SGCE: variants seen among roughly 807,000 people sequenced by gnomAD.
SGCE encodes the protein sarcoglycan epsilon, also known as epsilon-sarcoglycan.
Under a neutral mutation model 57.8 loss-of-function variants are expected in SGCE, and 26 were observed. The ratio of observed to expected loss-of-function variants is 0.45; its 90% CI spans 0.33 to 0.62. The LOEUF (loss-of-function observed/expected upper bound fraction) is 0.62. Among genes scored for constraint, SGCE ranks in the 20% least tolerant of loss-of-function variants. The pLI is 0.02. For missense variants in SGCE, 468 were observed against 548.6 expected (o/e 0.85, Z 1.47); for synonymous variants, 183 against 189.5 (o/e 0.97, Z 0.28).
chr7:94,618,447 A>G (rs1802266174), intron 5 of SGCE: 3 of 261,642 alleles, frequency 1.1e-5, no homozygotes, highest in Admixed American at 5.2e-5. Context: ...TGGGGCGTCA[A>G]TTTCCTTTGA....
intron 9 of SGCE, among the ~76,000 whole-genome samples, chr7:94,592,602 T>C (rs1033313557): frequency 6.6e-6 from 1 of 152,170 alleles, no homozygotes; most frequent in Non-Finnish European, 1.5e-5. Context: ...TGTAAATTAG[T>C]CATTGCACAA....
At chr7:94,610,981 C>T (rs966876569) in intron 5 of SGCE, among the ~76,000 whole-genome samples, 10 of 152,044 alleles carry the variant, frequency 6.6e-5, no homozygotes, top group Admixed American at 4.6e-4. Flanking sequence ...TGGCTATAAT[C>T]AAAAAGGCAG....
At chr7:94,634,929 G>A (rs537037290) in intron 1 of SGCE, among the ~76,000 whole-genome samples, 5 of 152,178 alleles carry the variant, frequency 3.3e-5, no homozygotes, top group Non-Finnish European at 4.4e-5. Context: ...TGGATTGAAT[G>A]CATTGTATAA....
chr7:94,638,146 A>C (rs1360958918), intron 1 of SGCE, among the ~76,000 whole-genome samples: 3 of 152,200 alleles, frequency 2.0e-5, no homozygotes, highest in African/African-American at 7.2e-5. Flanking sequence ...GTGTCCTGGA[A>C]CAAGTGCATC....
intron 10 of SGCE, chr7:94,587,585 T>C (rs1797073530): frequency 7.3e-7 from 1 of 1,377,272 alleles, no homozygotes; most frequent in Admixed American, 3.9e-5. Context: ...TTTAGGTGAC[T>C]CATTTTTATA....
chr7:94,655,769 G>A (rs1255904528), intron 1 of SGCE, among the ~76,000 whole-genome samples: 1 of 59,018 alleles, frequency 1.7e-5, no homozygotes, highest in Non-Finnish European at 3.0e-5. Context: ...CCGCGGGGGC[G>A]CGGAGAGGAA....
intron 3 of SGCE, chr7:94,623,635 ACT>A (rs1176890269): frequency 4.0e-6 from 2 of 495,724 alleles, no homozygotes; most frequent in African/African-American, 4.0e-5. Flanking sequence ...AATCAGAAAG[ACT>A]CTTTCATAGA....
At chr7:94,613,071 G>C (rs1801304784) in intron 5 of SGCE, among the ~76,000 whole-genome samples, 1 of 152,194 alleles carries the variant, frequency 6.6e-6, no homozygotes, top group Non-Finnish European at 1.5e-5. Flanking sequence ...TCCTCAGGTA[G>C]CCTACTGGCT....
At chr7:94,600,332 G>A (rs1584529959) in intron 7 of SGCE, 1 of 317,738 alleles carries the variant, frequency 3.1e-6, no homozygotes, top group East Asian at 7.9e-5. Context: ...AGATTCTGCA[G>A]TCTCTGCTCA....
chr7:94,638,321 T>C (rs1319806051), intron 1 of SGCE, among the ~76,000 whole-genome samples: 1 of 152,176 alleles, frequency 6.6e-6, no homozygotes, highest in Non-Finnish European at 1.5e-5. Flanking sequence ...GGAAACTTTG[T>C]CCCATTGTGA....
At chr7:94,598,582 A>C in intron 9 of SGCE, 193 bp downstream of exon 9, 1 of 601,694 alleles carries the variant, frequency 1.7e-6, no homozygotes, top group South Asian at 1.9e-5. Flanking sequence ...GTGGGGGAAA[A>C]AAAGTGCATT....
chr7:94,624,216 A>G (rs1803336780), intron 3 of SGCE: 2 of 398,180 alleles, frequency 5.0e-6, no homozygotes, highest in Non-Finnish European at 4.4e-6. Context: ...TCCCAGCACT[A>G]ACCTTCTGGC....
Position 94,585,359 on chromosome 7 carries a change from T to C in SGCE, c.*140A>G, listed in dbSNP as rs950493473. The C allele has an allele frequency of 1.5e-6, 1 of 670,716 alleles. No homozygotes were observed. The highest frequency in any genetic ancestry group is 1.8e-5 in the African/African-American group (1 of 56,462). 41.5% of individuals were successfully genotyped at this position (670,716 alleles called of 1,614,324 possible). ...TTAGTAAAATGAAAGTTATGTTGTATTATTTGGTATACACTTAATACTGCC... is the reference window on the plus strand; with the variant it reads ...TTAGTAAAATGAAAGTTATGTTGTACTATTTGGTATACACTTAATACTGCC... On this transcript the variant is annotated 3_prime_UTR_variant, in exon 11 of 11. Transcript: ENST00000648936.
chr7:94,654,100 G>C (rs369820619), intron 1 of SGCE, among the ~76,000 whole-genome samples: 1 of 152,086 alleles, frequency 6.6e-6, no homozygotes, highest in East Asian at 1.9e-4. Context: ...TGGTGTTATT[G>C]CAGGGTGAAT....
chr7:94,620,805 A>T (rs1346493301), intron 4 of SGCE: 3 of 152,138 alleles, frequency 2.0e-5, no homozygotes, highest in Non-Finnish European at 2.9e-5. Flanking sequence ...TTGCCACCAC[A>T]CCCCTCAGAG....
At position 94,600,681 on chromosome 7, in the gene SGCE, T is replaced by C; in HGVS notation, c.1002A>G (p.Ile334Met). 6.2e-7 allele frequency: 1 copy of C among 1,613,744 alleles called. No individual in the cohort carries two copies. The highest frequency in any genetic ancestry group is 8.5e-7 in the Non-Finnish European group (1 of 1,179,806). Reference sequence around the variant, plus strand: ...GTCGGCAGCACATGATATAAGCAAGTATTAGAAAAAGGACCAGTGCCACTG... The same window carrying C: ...GTCGGCAGCACATGATATAAGCAAGCATTAGAAAAAGGACCAGTGCCACTG... Reference protein sequence around the residue: ...PSAVALVLFLILAYIMCCRRE... With the variant: ...PSAVALVLFLMLAYIMCCRRE... Residue 334 changes from isoleucine (I) to methionine (M), a missense_variant, in exon 7 of 11, where the codon ATA (isoleucine) becomes ATG (methionine). Coordinates refer to ENST00000648936, the MANE Select transcript of SGCE (RefSeq NM_003919.3).
chr7:94,648,986 AG>A (rs1807511352), intron 1 of SGCE, among the ~76,000 whole-genome samples: 1 of 152,244 alleles, frequency 6.6e-6, no homozygotes, highest in South Asian at 2.1e-4. Flanking sequence ...AGAATGGGAA[AG>A]AATTCATACC....
chr7:94,621,226 C>T (rs1292685155), intron 4 of SGCE: 1 of 152,174 alleles, frequency 6.6e-6, no homozygotes, highest in African/African-American at 2.4e-5. Flanking sequence ...TGCACATATA[C>T]ATTTCTGTCT....
intron 1 of SGCE, among the ~76,000 whole-genome samples, chr7:94,638,099 G>A (rs1805839029): frequency 6.6e-6 from 1 of 152,234 alleles, no homozygotes; most frequent in Non-Finnish European, 1.5e-5. Flanking sequence ...AATATCTAAA[G>A]AGAATGTGGG....
Sources: allele counts gnomAD v4.1 joint callset (sites outside exome capture counted in the v4.1 genomes callset), GRCh38; gene constraint gnomAD v4.1.1; transcripts MANE v1.5; gene names NCBI Gene and HGNC (gene_info 2026-07-23, HGNC 2026-07-21).